The following ATF2 variants were observed in gnomAD, a reference collection of about 807,000 sequenced individuals.
The protein encoded by ATF2 is cyclic AMP-dependent transcription factor ATF-2.
ATF2 carries 24 observed loss-of-function variants against 60.6 expected under a neutral mutation model. The ratio of observed to expected loss-of-function variants is 0.40; its 90% CI spans 0.29 to 0.56. The LOEUF (loss-of-function observed/expected upper bound fraction) is 0.56. ATF2 is among the 20% of genes least tolerant of loss of function. The pLI is 0.54. For missense variants in ATF2, 433 were observed against 607.7 expected, an observed-to-expected ratio of 0.71 and a Z score of 3.02; for synonymous variants, 206 against 215.4, an observed-to-expected ratio of 0.96 and a Z score of 0.38.
At chr2:175,096,334 T>C (rs957224753) in intron 11 of ATF2, among the ~76,000 whole-genome samples, 7 of 152,196 alleles carry the variant, frequency 4.6e-5, no homozygotes, top group African/African-American at 1.4e-4. Context: ...ATAGCTGCCA[T>C]AAAGCATATT....
intron 4 of ATF2, among the ~76,000 whole-genome samples, chr2:175,122,686 C>A (rs537845210): frequency 6.6e-6 from 1 of 152,116 alleles, no homozygotes; most frequent in East Asian, 1.9e-4. Context: ...CGGCACAATG[C>A]CTTGGTTATA....
intron 10 of ATF2, among the ~76,000 whole-genome samples, chr2:175,108,342 G>A (rs1695874320): frequency 6.6e-6 from 1 of 151,006 alleles, no homozygotes; most frequent in Admixed American, 6.6e-5. Flanking sequence ...CCCCCGCCCG[G>A]CCAGCCGCCT....
intron 12 of ATF2, among the ~76,000 whole-genome samples, chr2:175,085,723 T>C (rs1478488650): frequency 6.6e-6 from 1 of 152,044 alleles, no homozygotes; most frequent in East Asian, 1.9e-4. Context: ...TACTAACATA[T>C]AGTTGTAACA....
intron 10 of ATF2, among the ~76,000 whole-genome samples, chr2:175,109,168 TAAAAAAAAAA>T (rs66812318): frequency 9.7e-5 from 8 of 82,608 alleles, no homozygotes; most frequent in African/African-American, 1.4e-4. Flanking sequence ...GAATGATCAA[TAAAAAAAAAA>T]AAAAAAAAAA....
intron 2 of ATF2, among the ~76,000 whole-genome samples, chr2:175,141,533 T>C (rs552975422): frequency 2.0e-4 from 30 of 152,138 alleles, no homozygotes; most frequent in African/African-American, 6.0e-4. Flanking sequence ...CGCTCTGTCG[T>C]CCAGGCTGGA....
At chr2:175,106,020 AATAG>A (rs1695637125) in intron 10 of ATF2, among the ~76,000 whole-genome samples, 1 of 152,204 alleles carries the variant, frequency 6.6e-6, no homozygotes, top group Admixed American at 6.5e-5. Flanking sequence ...AAAAGATTTA[AATAG>A]ATAATCTAAG....
In ATF2 at chr2:175,141,018, A is replaced by G. The variant is rs1252142403; in HGVS notation, c.-43-4532T>C. Among the ~76,000 whole-genome samples, 3 of 115,922 alleles carry G rather than the reference A, an allele frequency of 2.6e-5. No homozygotes were observed. The East Asian group carries it at 7.3e-4, about 28-fold the overall frequency. 76.0% of individuals were successfully genotyped at this position (115,922 alleles called of 152,430 possible). On this transcript the variant is annotated intron_variant, in intron 2 of 13. Coordinates refer to ENST00000264110, the MANE Select transcript of ATF2 (RefSeq NM_001880.4). ...TCTCAGGAAAAAAAAAAAAAAAAAAAAAAAAAAAAAAAATATATATATATA... is the reference window on the plus strand; with the variant it reads ...TCTCAGGAAAAAAAAAAAAAAAAAAGAAAAAAAAAAAAATATATATATATA...
chr2:175,158,082 T>A (rs1057232559), intron 1 of ATF2, among the ~76,000 whole-genome samples: 2 of 152,034 alleles, frequency 1.3e-5, no homozygotes, highest in Admixed American at 1.3e-4. Flanking sequence ...TTCATGACTA[T>A]CTTCATACAT....
At chr2:175,126,331 T>A (rs1697331175) in intron 4 of ATF2, among the ~76,000 whole-genome samples, 1 of 152,172 alleles carries the variant, frequency 6.6e-6, no homozygotes, top group African/African-American at 2.4e-5. Flanking sequence ...CTTTCACCCT[T>A]CCATCTATAC....
chr2:175,097,766 G>C (rs560841164), intron 10 of ATF2, among the ~76,000 whole-genome samples, 173 bp from the exon 11 acceptor site: 1 of 152,026 alleles, frequency 6.6e-6, no homozygotes, highest in Non-Finnish European at 1.5e-5. Flanking sequence ...AATAATAAAG[G>C]CCTTAAAAAT....
chr2:175,088,450 C>G (rs1332013225), intron 12 of ATF2, among the ~76,000 whole-genome samples: 2 of 152,090 alleles, frequency 1.3e-5, no homozygotes, highest in African/African-American at 4.8e-5. Flanking sequence ...AAAACCTTTT[C>G]CACATCATTA....
intron 4 of ATF2, among the ~76,000 whole-genome samples, chr2:175,122,729 T>C (rs1295200094): frequency 6.6e-6 from 1 of 151,954 alleles, no homozygotes; most frequent in Non-Finnish European, 1.5e-5. Flanking sequence ...TCTGTCCTTT[T>C]AAGTAGGCTG....
chr2:175,101,550 T>C (rs1051154698), intron 10 of ATF2, among the ~76,000 whole-genome samples: 2 of 152,196 alleles, frequency 1.3e-5, no homozygotes, highest in African/African-American at 2.4e-5. Context: ...GAAATTATCA[T>C]AGAATTGAAG....
chr2:175,142,186 CTTTT>C (rs377013083), intron 2 of ATF2, among the ~76,000 whole-genome samples: 3 of 133,016 alleles, frequency 2.3e-5, no homozygotes, highest in Non-Finnish European at 3.3e-5. Flanking sequence ...GTTTTCTTTT[CTTTT>C]TTTTTTTTTT....
intron 11 of ATF2, 26 bp from the exon 12 acceptor site, chr2:175,093,293 G>A (rs1694682733): frequency 1.9e-6 from 3 of 1,602,906 alleles, no homozygotes; most frequent in Admixed American, 3.4e-5. Flanking sequence ...ATGAAAGCCT[G>A]TTATATTTGT....
rs73973696 is a variant in ATF2, at chr2:175,122,076, T to C, written c.103-536A>G. Among the ~76,000 whole-genome samples the C allele has an allele frequency of 1.2e-3, 182 of 151,932 alleles. 1 individual carries two copies. The highest frequency in any genetic ancestry group is 4.1e-3 in the African/African-American group (172 of 41,500). On this transcript the variant is annotated intron_variant, in intron 4 of 13. Transcript: ENST00000264110. Reference sequence around the variant, plus strand: ...CCTTTGTTTTAATCCAGCAAAGAAATAGCAACCGATACAATAACAAAACAG... The same window carrying C: ...CCTTTGTTTTAATCCAGCAAAGAAACAGCAACCGATACAATAACAAAACAG...
At chr2:175,122,660 A>G (rs1697045413) in intron 4 of ATF2, among the ~76,000 whole-genome samples, 1 of 151,996 alleles carries the variant, frequency 6.6e-6, no homozygotes, top group Non-Finnish European at 1.5e-5. Flanking sequence ...TAGAGGTGAA[A>G]ATCATCTCAT....
chr2:175,166,489 G>C (rs1024685921), intron 1 of ATF2, among the ~76,000 whole-genome samples: 2 of 152,062 alleles, frequency 1.3e-5, no homozygotes, highest in Admixed American at 6.6e-5. Flanking sequence ...TATTTAAAAC[G>C]TATTTTACAA....
chr2:175,120,714 T>C (rs1696897556), intron 5 of ATF2, among the ~76,000 whole-genome samples: 1 of 151,688 alleles, frequency 6.6e-6, no homozygotes, highest in Non-Finnish European at 1.5e-5. Flanking sequence ...TTTTGTTTTA[T>C]CATAATACTT....
Sources: gnomAD v4.1 joint callset for allele counts (sites outside exome capture counted in the v4.1 genomes callset) on GRCh38, gnomAD v4.1.1 for gene constraint, MANE v1.5 for transcripts, NCBI Gene and HGNC (gene_info 2026-07-23, HGNC 2026-07-21) for gene names.